EYA3: variants seen among roughly 807,000 people sequenced by gnomAD.
The protein encoded by EYA3 is protein phosphatase EYA3.
Under a neutral mutation model 80.0 loss-of-function variants are expected in EYA3, and 39 were observed. The ratio of observed to expected loss-of-function variants is 0.49; its 90% CI spans 0.38 to 0.64. EYA3 has a LOEUF of 0.64. Among genes scored for constraint, EYA3 ranks in the 30% least tolerant of loss-of-function variants. EYA3 has a pLI of 0.00. For missense variants in EYA3, 523 were observed against 676.1 expected (o/e 0.77, Z 2.51); for synonymous variants, 206 against 232.8 (o/e 0.88, Z 1.05).
At chr1:28,010,840 G>T in intron 10 of EYA3, 107 bp downstream of exon 10, 1 of 1,315,770 alleles carries the variant, frequency 7.6e-7, no homozygotes, top group Non-Finnish European at 1.0e-6. Context: ...GAATTAAAGG[G>T]CACATAACAT....
Position 27,974,436 on chromosome 1 carries a change from G to A in EYA3, c.*30C>T. Reference sequence around the variant, plus strand: ...CAGCTCCCTTCAGGAGTGAAAAGGAGCTCAAGGGGAAGGCTCCTCATTCCA... The same window carrying A: ...CAGCTCCCTTCAGGAGTGAAAAGGAACTCAAGGGGAAGGCTCCTCATTCCA... On this transcript the variant is annotated 3_prime_UTR_variant, in exon 18 of 18. Transcript: ENST00000373871. 1 of 1,585,362 alleles carries A rather than the reference G, an allele frequency of 6.3e-7. No individual in the cohort carries two copies.
intron 10 of EYA3, among the ~76,000 whole-genome samples, chr1:28,006,872 G>C (rs1293488801): frequency 6.6e-6 from 1 of 151,512 alleles, no homozygotes; most frequent in African/African-American, 2.4e-5. Context: ...GGCAAGAAAG[G>C]GGAAAAAGAC....
intron 1 of EYA3, among the ~76,000 whole-genome samples, chr1:28,072,677 T>C (rs989199542): frequency 6.6e-6 from 1 of 152,168 alleles, no homozygotes; most frequent in South Asian, 2.1e-4. Flanking sequence ...GGCAGTTCCT[T>C]ATAAAGGTAA....
At chr1:28,042,708 G>A in intron 3 of EYA3, 58 bp from the exon 4 acceptor site, 1 of 1,406,692 alleles carries the variant, frequency 7.1e-7, no homozygotes, top group East Asian at 2.3e-5. Context: ...TTGCTAAAAA[G>A]TGATGAGTTC....
intron 11 of EYA3, among the ~76,000 whole-genome samples, chr1:28,000,497 A>G (rs1640756570): frequency 1.3e-5 from 2 of 152,058 alleles, no homozygotes; most frequent in Admixed American, 6.6e-5. Context: ...TATTTTTAGT[A>G]GAGACAGGGT....
At chr1:28,064,785 G>C (rs1234974485) in intron 1 of EYA3, among the ~76,000 whole-genome samples, 4 of 152,032 alleles carry the variant, frequency 2.6e-5, no homozygotes, top group Admixed American at 2.6e-4. Context: ...ACTGCATCCA[G>C]CTCCAAGTAA....
At chr1:28,007,496 G>A (rs1042781647) in intron 10 of EYA3, among the ~76,000 whole-genome samples, 45 of 151,776 alleles carry the variant, frequency 3.0e-4, no homozygotes, top group East Asian at 2.5e-3. Flanking sequence ...CACCATGCCC[G>A]TCTAATTTTT....
intron 1 of EYA3, among the ~76,000 whole-genome samples, chr1:28,082,726 T>A (rs1645474805): frequency 6.6e-6 from 1 of 152,166 alleles, no homozygotes; most frequent in African/African-American, 2.4e-5. Context: ...TTTAAGTATT[T>A]TAAGACTATT....
intron 1 of EYA3, among the ~76,000 whole-genome samples, chr1:28,063,298 TATATATA>T (rs1644703427): frequency 7.8e-6 from 1 of 128,258 alleles, no homozygotes; most frequent in South Asian, 2.5e-4. Flanking sequence ...GCCTTATATA[TATATATA>T]TTTTTTTTTA....
At chr1:28,000,696 A>G (rs1640773028) in intron 11 of EYA3, among the ~76,000 whole-genome samples, 5 of 152,166 alleles carry the variant, frequency 3.3e-5, no homozygotes, top group African/African-American at 1.2e-4. Flanking sequence ...TGGGAGGCTG[A>G]GGCGGGAAGA....
intron 5 of EYA3, among the ~76,000 whole-genome samples, chr1:28,037,921 T>C (rs1205131694): frequency 1.3e-5 from 2 of 152,226 alleles, no homozygotes; most frequent in Non-Finnish European, 2.9e-5. Context: ...GCTTAATAAA[T>C]GCACTTGTAT....
At position 27,993,572 on chromosome 1, in the gene EYA3, G is replaced by C; in HGVS notation, c.1143-12C>G. ...AGAAACTGTAGTTGCTGCAAGGAGA[G>C]AAGATAATAAAAATTAAAATTTATA... On this transcript the variant is annotated splice_polypyrimidine_tract_variant and intron_variant, in intron 13 of 17. Coordinates refer to ENST00000373871, the MANE Select transcript of EYA3 (RefSeq NM_001990.4). The C allele has an allele frequency of 6.4e-7, 1 of 1,563,888 alleles. No homozygotes were observed. Among genetic ancestry groups the C allele is most frequent in the Non-Finnish European group, 8.6e-7 (1 of 1,163,012 alleles).
At chr1:27,990,765 C>T (rs187014298) in intron 14 of EYA3, among the ~76,000 whole-genome samples, 63 of 151,826 alleles carry the variant, frequency 4.1e-4, no homozygotes, top group South Asian at 1.3e-3. Flanking sequence ...ATTGGCCAGG[C>T]TGGTCTTGAA....
At chr1:28,026,572 C>T (rs753309937) in intron 7 of EYA3, among the ~76,000 whole-genome samples, 1 of 152,078 alleles carries the variant, frequency 6.6e-6, no homozygotes, top group Non-Finnish European at 1.5e-5. Flanking sequence ...GAGCCATGAT[C>T]GCGCCACTGC....
At position 27,973,255 on chromosome 1, in the gene EYA3, G is replaced by A. The variant is rs574760983; in HGVS notation, c.*1211C>T. ...ATACATTGGCAGTTTTGGCCAAAAT[G>A]TAGTTATAAGCATGTTTTTAGATTT... On this transcript the variant is annotated 3_prime_UTR_variant, in exon 18 of 18. Coordinates refer to ENST00000373871, the MANE Select transcript of EYA3 (RefSeq NM_001990.4). The A allele has an allele frequency of 6.6e-6, 1 of 152,298 alleles. No homozygotes were observed. The highest frequency in any genetic ancestry group is 2.1e-4 in the South Asian group (1 of 4,818). 9.4% of individuals were successfully genotyped at this position (152,298 alleles called of 1,614,324 possible).
chr1:28,087,623 G>A (rs1645707266), intron 1 of EYA3, among the ~76,000 whole-genome samples: 1 of 152,196 alleles, frequency 6.6e-6, no homozygotes. Flanking sequence ...CATCACAAGT[G>A]TCCTGTAAGA....
At chr1:28,038,455 A>C (rs1025464156) in intron 5 of EYA3, among the ~76,000 whole-genome samples, 7 of 150,878 alleles carry the variant, frequency 4.6e-5, no homozygotes, top group South Asian at 2.1e-4. Context: ...AAAAAAAAAA[A>C]AAAAAAAAAC....
intron 1 of EYA3, among the ~76,000 whole-genome samples, chr1:28,086,389 A>G (rs1191411260): frequency 1.3e-5 from 2 of 152,004 alleles, no homozygotes; most frequent in South Asian, 2.1e-4. Flanking sequence ...AATTTTGTCT[A>G]TGTTGCCCAG....
intron 1 of EYA3, among the ~76,000 whole-genome samples, chr1:28,079,213 C>T (rs1035986452): frequency 6.6e-6 from 1 of 152,128 alleles, no homozygotes; most frequent in East Asian, 1.9e-4. Flanking sequence ...GTCTGCTGAC[C>T]CTGTTTCACT....
Sources: gnomAD v4.1 joint callset for allele counts (sites outside exome capture counted in the v4.1 genomes callset) on GRCh38, gnomAD v4.1.1 for gene constraint, MANE v1.5 for transcripts, NCBI Gene and HGNC (gene_info 2026-07-23, HGNC 2026-07-21) for gene names.